The following B9D2 variants were observed in gnomAD, a reference collection of about 807,000 sequenced individuals.
B9D2 encodes B9 domain containing 2, also known as B9 domain-containing protein 2.
A neutral mutation model predicts 19.2 loss-of-function variants in B9D2; 21 were observed. That is an observed-to-expected ratio of 1.09 (90% CI 0.78 to 1.58). The LOEUF is 1.58. B9D2 is among the 40% of genes most tolerant of loss of function. The pLI is 0.00. For synonymous variants in B9D2, 91 were observed against 100.6 expected (o/e 0.90, Z 0.57); for missense variants, 221 against 244.3 (o/e 0.90, Z 0.64).
At position 41,356,841 on chromosome 19, in the gene B9D2, ACT is replaced by A. The variant is rs570800908; in HGVS notation, c.214+1054_214+1055del. Among the ~76,000 whole-genome samples, 80 of 128,552 alleles carry A rather than the reference ACT, an allele frequency of 6.2e-4. No homozygotes were observed. The Middle Eastern group carries it at 0.015, about 24-fold the overall frequency. The allele number at this position is 128,552 out of a possible 152,430, so 84.3% of individuals were successfully genotyped here. On this transcript the variant is annotated intron_variant, in intron 3 of 3. Transcript: ENST00000243578. ...ACTCCAGCCTGGGCAACAGAGTGAAACTCTGTCTCCAAAAAAAAAAAGGTGAA... is the reference window on the plus strand; with the variant it reads ...ACTCCAGCCTGGGCAACAGAGTGAAACTGTCTCCAAAAAAAAAAAGGTGAA...
rs2038451224 is a variant in B9D2, at chr19:41,363,590, A to T, written c.-4-67T>A. On this transcript the variant is annotated intron_variant, in intron 1 of 3. Coordinates refer to ENST00000243578, the MANE Select transcript of B9D2 (RefSeq NM_030578.4). Reference sequence around the variant, plus strand: ...GTATTATCTCCATTTGACGGGGGGGAAACTGAGGCCCAGCAAGTAAAGGGT... The same window carrying T: ...GTATTATCTCCATTTGACGGGGGGGTAACTGAGGCCCAGCAAGTAAAGGGT... The T allele has an allele frequency of 7.8e-6, 11 of 1,410,218 alleles. No homozygotes were observed. The South Asian group carries it at 1.3e-4, about 17-fold the overall frequency. 87.4% of individuals were successfully genotyped at this position (1,410,218 alleles called of 1,614,324 possible).
intron 2 of B9D2, among the ~76,000 whole-genome samples, chr19:41,362,078 CAAAAAAAAAAAAAA>C (rs940435937): frequency 2.2e-5 from 1 of 46,040 alleles, no homozygotes; most frequent in African/African-American, 7.2e-5. Flanking sequence ...GACTCTGTCT[CAAAAAAAAAAAAAA>C]AAAAAAAAGG....
chr19:41,363,025 G>C lies in B9D2; in HGVS notation c.88+407C>G, dbSNP rs1317694673. On this transcript the variant is annotated intron_variant, in intron 2 of 3. Coordinates refer to ENST00000243578, the MANE Select transcript of B9D2 (RefSeq NM_030578.4). ...TTTGAGAGGCTGAAGTGGGTGGCCT[G>C]TTTGAGCGCAGGAGTTCGAGACCAG... 4.4e-5 allele frequency: 11 copies of C among 249,064 alleles called. No individual in the cohort carries two copies. In the East Asian group the frequency reaches 1.1e-3, roughly 25 times the overall value. 15.4% of individuals were successfully genotyped at this position (249,064 alleles called of 1,614,324 possible).
Position 41,354,731 on chromosome 19 carries a change from C to G in B9D2, c.497G>C (p.Arg166Pro), listed in dbSNP as rs572237537. 4.3e-6 allele frequency: 7 copies of G among 1,613,990 alleles called. No homozygotes were observed. In the South Asian group the frequency reaches 5.5e-5, roughly 13 times the overall value. The change falls in exon 4 of 4, where the codon CGC (arginine) becomes CCC (proline). Residue 166 changes from arginine to proline, a missense_variant. Arg to Pro is a moderately radical substitution (Grantham distance 103, BLOSUM62 -2). Transcript: ENST00000243578. ...CTCCACGCCGTAGCGGTCGAAGTTGCGGAGCAGCAGGCCGATCTCCAGGTG... is the reference window on the plus strand; with the variant it reads ...CTCCACGCCGTAGCGGTCGAAGTTGGGGAGCAGCAGGCCGATCTCCAGGTG... Reference protein sequence around the residue: ...TVHLEIGLLLRNFDRYGVEC With the variant: ...TVHLEIGLLLPNFDRYGVEC
At chr19:41,356,192 G>C (rs2123129145) in intron 3 of B9D2, among the ~76,000 whole-genome samples, 1 of 152,324 alleles carries the variant, frequency 6.6e-6, no homozygotes, top group Non-Finnish European at 1.5e-5. Context: ...ACCTGACTTA[G>C]GTGTTCACAG....
chr19:41,361,514 G>A (rs1322803285), intron 2 of B9D2, among the ~76,000 whole-genome samples: 7 of 152,066 alleles, frequency 4.6e-5, no homozygotes, highest in East Asian at 1.9e-4. Context: ...GGGGCCAGGC[G>A]CAGTGGCTCA....
intron 2 of B9D2, among the ~76,000 whole-genome samples, chr19:41,359,865 C>T (rs2038376582): frequency 6.6e-6 from 1 of 152,036 alleles, no homozygotes; most frequent in African/African-American, 2.4e-5. Flanking sequence ...GCCCACGTGG[C>T]CTGGCTCTTG....
chr19:41,355,309 T>A (rs986921916), intron 3 of B9D2, among the ~76,000 whole-genome samples: 1 of 152,182 alleles, frequency 6.6e-6, no homozygotes, highest in Non-Finnish European at 1.5e-5. Context: ...GCCCTTCTAA[T>A]CAGACCTCTG....
chr19:41,357,812 G>A, intron 3 of B9D2, 85 bp downstream of exon 3: 2 of 1,578,030 alleles, frequency 1.3e-6, no homozygotes, highest in Admixed American at 3.3e-5. Context: ...GCAGGGACAG[G>A]TCTTGGTGTT....
intron 2 of B9D2, among the ~76,000 whole-genome samples, chr19:41,360,513 AT>A (rs902692622): frequency 6.7e-6 from 1 of 149,302 alleles, no homozygotes; most frequent in South Asian, 2.1e-4. Flanking sequence ...TATTTTATTT[AT>A]TTTTTTTTGA....
At chr19:41,361,348 G>A (rs1290950130) in intron 2 of B9D2, 1 of 152,230 alleles carries the variant, frequency 6.6e-6, no homozygotes, top group Non-Finnish European at 1.5e-5. Flanking sequence ...TCCAAGAGGG[G>A]ACAGCCTCTG....
chr19:41,363,558 G>C (rs1216143093), intron 1 of B9D2, 35 bp from the exon 2 acceptor site: 1 of 1,580,390 alleles, frequency 6.3e-7, no homozygotes, highest in Non-Finnish European at 8.6e-7. Context: ...AACCCTGTGA[G>C]GTAAGTGTAT....
At chr19:41,359,672 C>T (rs1402595644) in intron 2 of B9D2, among the ~76,000 whole-genome samples, 8 of 151,806 alleles carry the variant, frequency 5.3e-5, no homozygotes, top group Non-Finnish European at 4.4e-5. Context: ...CATTGCACTC[C>T]AGCCTGGGCA....
chr19:41,355,198 G>A (rs1027821887), intron 3 of B9D2, among the ~76,000 whole-genome samples, 185 bp from the exon 4 acceptor site: 5 of 152,160 alleles, frequency 3.3e-5, no homozygotes, highest in Non-Finnish European at 7.3e-5. Flanking sequence ...CCACACAGCA[G>A]CCAAAGTGAT....
intron 3 of B9D2, 25 bp downstream of exon 3, chr19:41,357,871 GA>G: frequency 1.2e-6 from 2 of 1,613,522 alleles, no homozygotes; most frequent in South Asian, 1.1e-5. Context: ...CCTCAGCCTG[GA>G]CCCGGGTCCA....
chr19:41,355,808 T>C (rs1224771385), intron 3 of B9D2, among the ~76,000 whole-genome samples: 1 of 151,922 alleles, frequency 6.6e-6, no homozygotes, highest in African/African-American at 2.4e-5. Context: ...CAGAGCTGGG[T>C]AGGGTGAGGG....
chr19:41,364,139 T>C lies in B9D2; in HGVS notation c.-186A>G, dbSNP rs543995581. 6.1e-6 allele frequency: 1 copy of C among 164,050 alleles called. No individual in the cohort carries two copies. The highest frequency in any genetic ancestry group is 1.8e-4 in the East Asian group (1 of 5,618). 10.2% of individuals were successfully genotyped at this position (164,050 alleles called of 1,614,324 possible). A position where few individuals can be genotyped will look rare whatever the true frequency, so the allele number is the denominator to read the frequency against. On this transcript the variant is annotated 5_prime_UTR_variant, in exon 1 of 4. Coordinates refer to ENST00000243578, the MANE Select transcript of B9D2 (RefSeq NM_030578.4). ...GCGACCGCGCTCGTCTTGGTTTCCG[T>C]GGTTGTTGCTGGGGCAACAGCAGGC...
rs1419900250 is a variant in B9D2, at chr19:41,354,735, G to A, written c.493C>T (p.Leu165Phe). ...ACGCCGTAGCGGTCGAAGTTGCGGA[G>A]CAGCAGGCCGATCTCCAGGTGCACG... ...GTVHLEIGLL[L>F]RNFDRYGVEC The change falls in exon 4 of 4, where the codon CTC (leucine) becomes TTC (phenylalanine). Residue 165 changes from leucine to phenylalanine, a missense_variant. By Grantham distance (22) the Leu-to-Phe change is conservative. Transcript: ENST00000243578. The A allele has an allele frequency of 6.8e-6, 11 of 1,613,928 alleles. No homozygotes were observed. Among genetic ancestry groups the A allele is most frequent in the Middle Eastern group, 1.6e-4 (1 of 6,084 alleles).
intron 2 of B9D2, among the ~76,000 whole-genome samples, chr19:41,362,247 G>A (rs372314553): frequency 4.7e-5 from 7 of 150,182 alleles, no homozygotes; most frequent in Admixed American, 1.3e-4. Flanking sequence ...AAAAATAGCC[G>A]GGCATGGTGG....
Sources: allele counts gnomAD v4.1 joint callset (sites outside exome capture counted in the v4.1 genomes callset), GRCh38; gene constraint gnomAD v4.1.1; transcripts MANE v1.5; gene names NCBI Gene and HGNC (gene_info 2026-07-23, HGNC 2026-07-21).